OR5AN1: variants seen among roughly 807,000 people sequenced by gnomAD.
OR5AN1 encodes the protein olfactory receptor 5AN1.
For synonymous variants in OR5AN1, 167 were observed against 131.8 expected, an observed-to-expected ratio of 1.27 and a Z score of -1.83; for missense variants, 476 against 368.9, an observed-to-expected ratio of 1.29 and a Z score of -2.38.
chr11:59,370,232 C>CA lies in OR5AN1; in HGVS notation c.*4840dup, dbSNP rs1857579515. On this transcript the variant is annotated 3_prime_UTR_variant, in exon 2 of 2. Coordinates refer to ENST00000641998, the MANE Select transcript of OR5AN1 (RefSeq NM_001004729.2). ...TAAACATAATAACCAGCTGACAGCA[C>CA]AATGACAGAATCAAATGCACACATA... 6.6e-6 allele frequency: 1 copy of CA among 152,164 alleles called. No individual in the cohort carries two copies. The highest frequency in any genetic ancestry group is 1.5e-5 in the Non-Finnish European group (1 of 68,026). 9.4% of individuals were successfully genotyped at this position (152,164 alleles called of 1,614,324 possible).
chr11:59,362,995 A>C (rs768629774), intron 1 of OR5AN1, among the ~76,000 whole-genome samples: 2 of 152,146 alleles, frequency 1.3e-5, no homozygotes, highest in Non-Finnish European at 2.9e-5. Context: ...CTTGACTGGC[A>C]TGGACACTAG....
chr11:59,362,840 T>C (rs376158697), intron 1 of OR5AN1, among the ~76,000 whole-genome samples: 31 of 152,222 alleles, frequency 2.0e-4, no homozygotes, highest in African/African-American at 7.5e-4. Context: ...TACCTCTGTA[T>C]TATTAGAGAA....
In OR5AN1 at chr11:59,369,766, G is replaced by A. The variant is rs968297527; in HGVS notation, c.*4372G>A. On this transcript the variant is annotated 3_prime_UTR_variant, in exon 2 of 2. Coordinates refer to ENST00000641998, the MANE Select transcript of OR5AN1 (RefSeq NM_001004729.2). ...AGTCAAATTCAGTAAATACAGAGAA[G>A]TCCTTCAAGATTCTACACAAGAAGA... The A allele has an allele frequency of 1.1e-4, 17 of 152,010 alleles. No individual in the cohort carries two copies. The highest frequency in any genetic ancestry group is 3.9e-4 in the African/African-American group (16 of 41,366). 9.4% of individuals were successfully genotyped at this position (152,010 alleles called of 1,614,324 possible).
Position 59,364,747 on chromosome 11 carries a change from GGTTGTA to G in OR5AN1, c.290_295del (p.Gly97_Ile99delinsVal). On this transcript the variant is annotated inframe_deletion, in exon 2 of 2. Coordinates refer to ENST00000641998, the MANE Select transcript of OR5AN1 (RefSeq NM_001004729.2). ...GGAACAGCAAACTATCACTTTTGTT[GGTTGTA>G]TTATTCAGTACTTTATCTTTTCAAC... 6.2e-7 allele frequency: 1 copy of G among 1,614,020 alleles called. No individual in the cohort carries two copies. Among genetic ancestry groups the G allele is most frequent in the Non-Finnish European group, 8.5e-7 (1 of 1,179,940 alleles).
rs1207182072 is a variant in OR5AN1 at position 59,365,268 on chromosome 11, C to T, written c.810C>T (p.Ser270=). 2 of 1,613,766 alleles carry T rather than the reference C, an allele frequency of 1.2e-6. No individual in the cohort carries two copies. The highest frequency in any genetic ancestry group is 1.6e-4 in the Middle Eastern group (1 of 6,062). The change falls in exon 2 of 2, where the codon AGC becomes AGT. Residue 270 remains serine (S), a synonymous_variant. Coordinates refer to ENST00000641998, the MANE Select transcript of OR5AN1 (RefSeq NM_001004729.2). The part of the protein sequence containing the change: ...YLSSSSGGSS[S]FDRFASVFYT... ...GTTCCAGCTCTGGAGGTTCTTCAAG[C>T]TTTGACAGATTTGCATCTGTTTTCT...
chr11:59,359,229 C>T lies in OR5AN1; in HGVS notation c.-57C>T, dbSNP rs1857438173. ...CTTCGTTGGATTCTCTTACTCCTTA[C>T]TCAACCTTCTGTAAAAAGAAAAACC... On this transcript the variant is annotated 5_prime_UTR_variant, in exon 1 of 2. Coordinates refer to ENST00000641998, the MANE Select transcript of OR5AN1 (RefSeq NM_001004729.2). 6.6e-6 allele frequency: 1 copy of T among 152,178 alleles called. No individual in the cohort carries two copies. Among genetic ancestry groups the T allele is most frequent in the African/African-American group, 2.4e-5 (1 of 41,428 alleles). The allele number at this position is 152,178 out of a possible 1,614,324, so 9.4% of individuals were successfully genotyped here. A position where few individuals can be genotyped will look rare whatever the true frequency, so the allele number is the denominator to read the frequency against.
intron 1 of OR5AN1, 184 bp from the exon 2 acceptor site, chr11:59,364,262 C>T (rs1177824004): frequency 2.1e-6 from 1 of 479,216 alleles, no homozygotes. Flanking sequence ...TAATCAAGAA[C>T]CTGAAGCATT....
At chr11:59,362,540 A>T (rs1341911032) in intron 1 of OR5AN1, among the ~76,000 whole-genome samples, 2 of 152,166 alleles carry the variant, frequency 1.3e-5, no homozygotes, top group African/African-American at 2.4e-5. Context: ...TTCTTTTGGC[A>T]TGTCTATTAT....
intron 1 of OR5AN1, among the ~76,000 whole-genome samples, chr11:59,360,391 G>A (rs1416201993): frequency 1.3e-5 from 2 of 152,034 alleles, no homozygotes; most frequent in Non-Finnish European, 2.9e-5. Context: ...TATTGTATTA[G>A]AGGGTTTTTT....
Position 59,364,870 on chromosome 11 carries a change from T to A in OR5AN1, c.412T>A (p.Ser138Thr), listed in dbSNP as rs368235228. The change falls in exon 2 of 2, where the codon TCA (serine) becomes ACA (threonine). Residue 138 changes from serine to threonine, a missense_variant. Physicochemically the swap from Ser to Thr is moderately conservative, Grantham distance 58 (BLOSUM62 1). Transcript: ENST00000641998. ...CNPLLYSSIMSPTLCVWMVLG... is the reference protein window; with the variant it reads ...CNPLLYSSIMTPTLCVWMVLG... Reference sequence around the variant, plus strand: ...CCCCCTGCTCTATTCATCCATCATGTCACCCACCCTCTGTGTTTGGATGGT... The same window carrying A: ...CCCCCTGCTCTATTCATCCATCATGACACCCACCCTCTGTGTTTGGATGGT... The A allele has an allele frequency of 2.5e-6, 4 of 1,613,898 alleles. No individual in the cohort carries two copies. The highest frequency in any genetic ancestry group is 3.4e-6 in the Non-Finnish European group (4 of 1,179,926).
intron 1 of OR5AN1, chr11:59,359,872 C>T (rs1440392049): frequency 2.6e-5 from 4 of 152,166 alleles, no homozygotes; most frequent in Non-Finnish European, 5.9e-5. Context: ...TTGTACCCTG[C>T]ACAACTTTGC....
At position 59,365,110 on chromosome 11, in the gene OR5AN1, T is replaced by A. The variant is rs1223968501; in HGVS notation, c.652T>A (p.Ser218Thr). The change falls in exon 2 of 2, where the codon TCC becomes ACC. Residue 218 changes from serine to threonine, a missense_variant. Coordinates refer to ENST00000641998, the MANE Select transcript of OR5AN1 (RefSeq NM_001004729.2). ...AGCAAGTGCCCTAGTTATCATGATA[T>A]CCTATGGCTATATTGGCATCTCCAT... ...GIASALVIMI[S>T]YGYIGISIMK... The A allele has an allele frequency of 6.2e-7, 1 of 1,614,020 alleles. No individual in the cohort carries two copies. The highest frequency in any genetic ancestry group is 8.5e-7 in the Non-Finnish European group (1 of 1,180,000).
chr11:59,369,920 G>A lies in OR5AN1; in HGVS notation c.*4526G>A, dbSNP rs988304909. ...CAGGCTAACAGCAGACCTCTCCACT[G>A]GTACCCTACAAGCCAGAAGAGTTTG... On this transcript the variant is annotated 3_prime_UTR_variant, in exon 2 of 2. Coordinates refer to ENST00000641998, the MANE Select transcript of OR5AN1 (RefSeq NM_001004729.2). The A allele has an allele frequency of 6.6e-6, 1 of 152,124 alleles. No homozygotes were observed. Among genetic ancestry groups the A allele is most frequent in the African/African-American group, 2.4e-5 (1 of 41,404 alleles). The allele number at this position is 152,124 out of a possible 1,614,324, so 9.4% of individuals were successfully genotyped here.
In OR5AN1 at chr11:59,361,984, T is replaced by TTGTG. The variant is rs144506810; in HGVS notation, c.-13-2439_-13-2436dup. On this transcript the variant is annotated intron_variant, in intron 1 of 1. Transcript: ENST00000641998. ...TGGTTTGTAAGGAGTGTGTGTGTGT[T>TTGTG]TGTGTGTGTGTGTGTGTGTGTGTGT... 4.2e-4 allele frequency among the ~76,000 whole-genome samples: 59 copies of TTGTG among 139,920 alleles called. No homozygotes were observed. In the East Asian group the frequency reaches 6.6e-3, roughly 16 times the overall value. 91.8% of individuals were successfully genotyped at this position (139,920 alleles called of 152,430 possible). A position where few individuals can be genotyped will look rare whatever the true frequency, so the allele number is the denominator to read the frequency against.
chr11:59,370,522 C>G lies in OR5AN1; in HGVS notation c.*5128C>G, dbSNP rs1174786042. The G allele has an allele frequency of 6.6e-6, 1 of 152,084 alleles. No individual in the cohort carries two copies. The highest frequency in any genetic ancestry group is 2.4e-5 in the African/African-American group (1 of 41,386). The allele number at this position is 152,084 out of a possible 1,614,324, so 9.4% of individuals were successfully genotyped here. A position where few individuals can be genotyped will look rare whatever the true frequency, so the allele number is the denominator to read the frequency against. On this transcript the variant is annotated 3_prime_UTR_variant, in exon 2 of 2. Coordinates refer to ENST00000641998, the MANE Select transcript of OR5AN1 (RefSeq NM_001004729.2). ...ATTAATGTATGAATTATGTGAAATA[C>G]CAATCAAAATCACAACATGCTTGTG...
rs1368973067 is a variant in OR5AN1 at position 59,368,944 on chromosome 11, T to A, written c.*3550T>A. On this transcript the variant is annotated 3_prime_UTR_variant, in exon 2 of 2. Coordinates refer to ENST00000641998, the MANE Select transcript of OR5AN1 (RefSeq NM_001004729.2). ...CACAACAGAACAAGAGTCTTCCAGC[T>A]GTCCTGTAAGCCTAGGTATCACCTA... 1 of 152,214 alleles carries A rather than the reference T, an allele frequency of 6.6e-6. No individual in the cohort carries two copies. The highest frequency in any genetic ancestry group is 1.5e-5 in the Non-Finnish European group (1 of 68,046). 9.4% of individuals were successfully genotyped at this position (152,214 alleles called of 1,614,324 possible).
rs1381436949 is a variant in OR5AN1 at position 59,366,009 on chromosome 11, A to G, written c.*615A>G. ...CCTCTCTCAGCTAATCATCTAATAC[A>G]TTTTTGGCAATTTCCTTGCCTACAC... On this transcript the variant is annotated 3_prime_UTR_variant, in exon 2 of 2. Transcript: ENST00000641998. 1 of 152,184 alleles carries G rather than the reference A, an allele frequency of 6.6e-6. No homozygotes were observed. The highest frequency in any genetic ancestry group is 1.5e-5 in the Non-Finnish European group (1 of 68,038). 9.4% of individuals were successfully genotyped at this position (152,184 alleles called of 1,614,324 possible).
At chr11:59,361,645 T>A (rs1857463710) in intron 1 of OR5AN1, among the ~76,000 whole-genome samples, 1 of 152,176 alleles carries the variant, frequency 6.6e-6, no homozygotes, top group Non-Finnish European at 1.5e-5. Context: ...TGAGGTTTAA[T>A]GATTATCAGC....
chr11:59,370,015 C>T lies in OR5AN1; in HGVS notation c.*4621C>T, dbSNP rs552324787. ...GAATTTCATATCTAGCCAAACTAAG[C>T]TCCTAAGTGAAGGAATAATACAATC... On this transcript the variant is annotated 3_prime_UTR_variant, in exon 2 of 2. Coordinates refer to ENST00000641998, the MANE Select transcript of OR5AN1 (RefSeq NM_001004729.2). 13 of 152,254 alleles carry T rather than the reference C, an allele frequency of 8.5e-5. No individual in the cohort carries two copies. Among genetic ancestry groups the T allele is most frequent in the African/African-American group, 3.1e-4 (13 of 41,550 alleles). The allele number at this position is 152,254 out of a possible 1,614,324, so 9.4% of individuals were successfully genotyped here.
Sources: gnomAD v4.1 joint callset for allele counts (sites outside exome capture counted in the v4.1 genomes callset) on GRCh38, gnomAD v4.1.1 for gene constraint, MANE v1.5 for transcripts, NCBI Gene and HGNC (gene_info 2026-07-23, HGNC 2026-07-21) for gene names.